Variants in GALNT17 observed in about 807,000 individuals in gnomAD.
GALNT17 encodes the protein UDP-GalNAc:polypeptide N-acetylgalactosaminyltransferase-like 3.
GALNT17 carries 29 observed loss-of-function variants against 63.7 expected under a neutral mutation model. The observed-to-expected ratio is 0.46, with a 90% CI of 0.34 to 0.62. The LOEUF (loss-of-function observed/expected upper bound fraction) is 0.62. Among genes scored for constraint, GALNT17 ranks in the 20% least tolerant of loss-of-function variants. GALNT17 has a pLI of 0.01. For synonymous variants in GALNT17, 305 were observed against 318.3 expected (o/e 0.96, Z 0.45); for missense variants, 603 against 799.6 (o/e 0.75, Z 2.97).
chr7:71,661,768 C>T (rs1461116205), intron 6 of GALNT17, among the ~76,000 whole-genome samples: 1 of 152,148 alleles, frequency 6.6e-6, no homozygotes, highest in Admixed American at 6.5e-5. Flanking sequence ...CCTCTGAGTC[C>T]TCCCCAGACT....
intron 1 of GALNT17, among the ~76,000 whole-genome samples, chr7:71,158,721 C>T (rs573023454): frequency 2.6e-5 from 4 of 151,682 alleles, no homozygotes; most frequent in South Asian, 2.1e-4. Flanking sequence ...CGACTACAGG[C>T]GCCTGCCACC....
At chr7:71,409,017 AACACACACACACACACACACAC>A (rs10674037) in intron 3 of GALNT17, among the ~76,000 whole-genome samples, 2 of 144,868 alleles carry the variant, frequency 1.4e-5, no homozygotes, top group Non-Finnish European at 3.0e-5. Context: ...CACATACACA[AACACACACACACACACACACAC>A]ACACACACAC....
intron 5 of GALNT17, among the ~76,000 whole-genome samples, chr7:71,537,958 G>T (rs927657901): frequency 6.6e-6 from 1 of 152,150 alleles, no homozygotes; most frequent in Non-Finnish European, 1.5e-5. Flanking sequence ...CAAGAGCCAA[G>T]AGCAGATTAT....
chr7:71,479,552 G>A (rs909328187), intron 5 of GALNT17, among the ~76,000 whole-genome samples: 27 of 152,104 alleles, frequency 1.8e-4, no homozygotes, highest in Non-Finnish European at 8.8e-5. Context: ...CAGTTAGAAC[G>A]AAGTTTCTCT....
At chr7:71,399,213 A>G (rs899973038) in intron 3 of GALNT17, among the ~76,000 whole-genome samples, 2 of 152,158 alleles carry the variant, frequency 1.3e-5, no homozygotes, top group African/African-American at 2.4e-5. Flanking sequence ...CAGCCTGGGC[A>G]ACAGAATGAG....
chr7:71,322,148 C>T (rs533261068), intron 1 of GALNT17, among the ~76,000 whole-genome samples: 1 of 151,008 alleles, frequency 6.6e-6, no homozygotes, highest in Non-Finnish European at 1.5e-5. Context: ...AGAGACAGGT[C>T]TCATTATGTT....
At chr7:71,603,286 A>ATACTATGCTAAGTGCATACACCAGG (rs1789994393) in intron 6 of GALNT17, among the ~76,000 whole-genome samples, 1 of 151,576 alleles carries the variant, frequency 6.6e-6, no homozygotes, top group Non-Finnish European at 1.5e-5. Context: ...CATACACTGG[A>ATACTATGCTAAGTGCATACACCAGG]TACTATGCTA....
Position 71,388,305 on chromosome 7 carries a change from C to G in GALNT17, c.493C>G (p.Leu165Val). The G allele has an allele frequency of 1.2e-6, 2 of 1,614,042 alleles. No individual in the cohort carries two copies. Among genetic ancestry groups the G allele is most frequent in the Non-Finnish European group, 1.7e-6 (2 of 1,180,004 alleles). The change falls in exon 3 of 11, where the codon CTG (leucine) becomes GTG (valine). Residue 165 changes from leucine to valine, a missense_variant. Leu to Val is a conservative substitution (Grantham distance 32). This residue lies in a region of GALNT17 where 336 missense variants were observed against 507.8 expected (regional missense o/e 0.66). Coordinates refer to ENST00000333538, the MANE Select transcript of GALNT17 (RefSeq NM_022479.3). ...CATATTCATCTTCGTGAACGAGGCCCTGTCGGTGATCCTGCGGTCCGTGCA... is the reference window on the plus strand; with the variant it reads ...CATATTCATCTTCGTGAACGAGGCCGTGTCGGTGATCCTGCGGTCCGTGCA... ...SIIFIFVNEA[L>V]SVILRSVHSA...
chr7:71,301,495 G>A (rs1791197482), intron 1 of GALNT17, among the ~76,000 whole-genome samples: 1 of 150,050 alleles, frequency 6.7e-6, no homozygotes, highest in African/African-American at 2.4e-5. Context: ...AGTAATTATT[G>A]ATAGAGAGGG....
chr7:71,193,887 ATGT>A (rs756367700), intron 1 of GALNT17, among the ~76,000 whole-genome samples: 1 of 152,042 alleles, frequency 6.6e-6, no homozygotes, highest in African/African-American at 2.4e-5. Flanking sequence ...AACGGGAATG[ATGT>A]TTTACTCTCT....
intron 9 of GALNT17, among the ~76,000 whole-genome samples, chr7:71,683,892 C>A (rs1254944376): frequency 6.6e-6 from 1 of 151,470 alleles, no homozygotes; most frequent in African/African-American, 2.4e-5. Context: ...CCTGTAATCC[C>A]AGCTACTCCG....
intron 6 of GALNT17, among the ~76,000 whole-genome samples, chr7:71,620,967 G>C (rs996473706): frequency 4.6e-5 from 7 of 152,174 alleles, no homozygotes; most frequent in Non-Finnish European, 1.0e-4. Flanking sequence ...AATGGACTTT[G>C]TTTAGTTGCT....
intron 1 of GALNT17, among the ~76,000 whole-genome samples, chr7:71,288,048 C>CA (rs35168193): frequency 0.025 from 2,128 of 86,070 alleles, 44 homozygotes; most frequent in Middle Eastern, 0.062. Flanking sequence ...GAGACTGTCT[C>CA]AAAAAAAAAA....
intron 6 of GALNT17, among the ~76,000 whole-genome samples, chr7:71,605,826 T>C (rs1472342603): frequency 6.6e-6 from 1 of 152,188 alleles, no homozygotes; most frequent in African/African-American, 2.4e-5. Context: ...GATCTAGCCC[T>C]AACCCGAATC....
At chr7:71,547,397 G>A (rs1000096714) in intron 5 of GALNT17, among the ~76,000 whole-genome samples, 5 of 151,974 alleles carry the variant, frequency 3.3e-5, no homozygotes, top group African/African-American at 1.2e-4. Flanking sequence ...TCAGTGATCT[G>A]CCTGCCTTGG....
intron 1 of GALNT17, among the ~76,000 whole-genome samples, chr7:71,329,946 C>CAT (rs139039292): frequency 0.64 from 95,892 of 148,922 alleles, 30,952 homozygotes; most frequent in African/African-American, 0.72. Flanking sequence ...TATATACACA[C>CAT]ATATGTGTGT....
chr7:71,480,155 CTTTTTTTTTTTTTTTTT>C (rs67257902), intron 5 of GALNT17, among the ~76,000 whole-genome samples: 1 of 65,328 alleles, frequency 1.5e-5, no homozygotes, highest in Non-Finnish European at 2.7e-5. Context: ...TTTTTGGAGT[CTTTTTTTTTTTTTTTTT>C]TTTTTTTTTT....
rs1235666958 is a variant in GALNT17 at position 71,550,365 on chromosome 7, T to G, written c.963-20920T>G. On this transcript the variant is annotated intron_variant, in intron 5 of 10. Coordinates refer to ENST00000333538, the MANE Select transcript of GALNT17 (RefSeq NM_022479.3). ...TTTTTATTATATCATTCAGTTGTTT[T>G]TTGTTTTTTTGTGTGTGTTTTTTTT... Among the ~76,000 whole-genome samples the G allele has an allele frequency of 4.6e-5, 7 of 151,370 alleles. No homozygotes were observed. In the East Asian group the frequency reaches 1.2e-3, roughly 26 times the overall value.
intron 1 of GALNT17, among the ~76,000 whole-genome samples, chr7:71,158,142 A>G (rs1042321432): frequency 7.3e-5 from 11 of 150,282 alleles, no homozygotes; most frequent in African/African-American, 1.5e-4. Flanking sequence ...TTTTGGATCC[A>G]TACTCAGTGG....
Sources: allele counts gnomAD v4.1 joint callset (sites outside exome capture counted in the v4.1 genomes callset), GRCh38; gene constraint gnomAD v4.1.1; regional missense constraint gnomAD v4.1.1; transcripts MANE v1.5; gene names NCBI Gene and HGNC (gene_info 2026-07-23, HGNC 2026-07-21).